KDM6A: variants seen among roughly 807,000 people sequenced by gnomAD.
KDM6A encodes lysine demethylase 6A, also known as lysine-specific demethylase 6A.
KDM6A carries 11 observed loss-of-function variants against 117.6 expected under a neutral mutation model. The ratio of observed to expected loss-of-function variants is 0.09; its 90% CI spans 0.06 to 0.15. The LOEUF is 0.15. Ranked by LOEUF, KDM6A falls within the 10% of genes least tolerant of loss-of-function variation. The pLI is 1.00. For missense variants in KDM6A, 799 were observed against 1,077.3 expected (o/e 0.74, Z 3.62); for synonymous variants, 384 against 396.1 (o/e 0.97, Z 0.36).
intron 6 of KDM6A, among the ~76,000 whole-genome samples, chrX:45,024,365 G>A (rs1305592195): frequency 2.7e-5 from 3 of 111,930 alleles, no homozygotes; most frequent in Admixed American, 9.5e-5. Flanking sequence ...TTGTGGATTT[G>A]ATTTGCATTT....
At chrX:44,912,308 C>T (rs1333411927) in intron 2 of KDM6A, among the ~76,000 whole-genome samples, 1 of 110,418 alleles carries the variant, frequency 9.1e-6, no homozygotes, top group African/African-American at 3.3e-5. Context: ...AGGCTGGTCT[C>T]GAACTCTCGA....
chrX:44,993,874 A>C (rs1396937712), intron 4 of KDM6A, among the ~76,000 whole-genome samples: 4 of 111,681 alleles, frequency 3.6e-5, no homozygotes, highest in Non-Finnish European at 7.5e-5. Flanking sequence ...CAAGAAAAAA[A>C]AGCTCTCGTC....
At chrX:45,092,371 C>T (rs1264722714) in intron 27 of KDM6A, among the ~76,000 whole-genome samples, 1 of 111,524 alleles carries the variant, frequency 9.0e-6, no homozygotes, top group Admixed American at 9.5e-5. Context: ...TAATCAGCTC[C>T]TACTTAATAT....
chrX:45,054,173 T>C (rs746285079), intron 10 of KDM6A, among the ~76,000 whole-genome samples: 32 of 112,025 alleles, frequency 2.9e-4, no homozygotes, highest in African/African-American at 1.0e-3. Flanking sequence ...ACGTTTCTTA[T>C]TTTGGTTATT....
chrX:45,101,267 T>C, intron 27 of KDM6A, among the ~76,000 whole-genome samples: 1 of 111,799 alleles, frequency 8.9e-6, no homozygotes, highest in Non-Finnish European at 1.9e-5. Flanking sequence ...TTAGTCTTTA[T>C]TTCCTCTTCT....
rs376535653 is a variant in KDM6A, at chrX:44,898,129, C to T, written c.225+24142C>T. The stretch of plus-strand genomic sequence containing the variant: ...TAGGGGTATAAGATGAACTTTCTGA[C>T]GGGCCATGCTGCCTCAGCAAGAGAG... On this transcript the variant is annotated intron_variant, in intron 2 of 29. Coordinates refer to ENST00000611820, the MANE Select transcript of KDM6A (RefSeq NM_001291415.2). Among the ~76,000 whole-genome samples, 23 of 111,511 alleles carry T rather than the reference C, an allele frequency of 2.1e-4. No individual in the cohort carries two copies. The East Asian group carries it at 4.0e-3, about 19-fold the overall frequency.
chrX:45,082,693 A>G, intron 22 of KDM6A, 22 bp from the exon 23 acceptor site: 1 of 1,189,990 alleles, frequency 8.4e-7, no homozygotes, highest in Non-Finnish European at 1.1e-6. Flanking sequence ...GCATGTTTCT[A>G]ATACTGTGTC....
At chrX:44,913,760 G>A (rs756885015) in intron 2 of KDM6A, among the ~76,000 whole-genome samples, 9 of 108,559 alleles carry the variant, frequency 8.3e-5, no homozygotes, top group Admixed American at 2.9e-4. Flanking sequence ...ATATATATAT[G>A]TATACGCACA....
chrX:44,883,238 T>C (rs930264976), intron 2 of KDM6A, among the ~76,000 whole-genome samples: 19 of 109,229 alleles, frequency 1.7e-4, no homozygotes, highest in Non-Finnish European at 3.4e-4. Context: ...CTGGCTACTT[T>C]TTTGTATTTT....
intron 28 of KDM6A, among the ~76,000 whole-genome samples, chrX:45,108,213 C>T (rs749669467): frequency 1.8e-5 from 2 of 111,014 alleles, no homozygotes; most frequent in Admixed American, 9.6e-5. Flanking sequence ...TGATGAGAAT[C>T]GGAGGTAGAC....
rs771652463 is a variant in KDM6A at position 45,083,424 on chromosome X, G to T, written c.3441-36G>T. On this transcript the variant is annotated intron_variant, in intron 23 of 29. Transcript: ENST00000611820. ...TGGTAAACTTCCACAGGTATTTGTA[G>T]CAGAGTTTCACTTTTGATGTGTTAT... The T allele has an allele frequency of 2.5e-6, 3 of 1,188,586 alleles. No homozygotes were observed. The South Asian group carries it at 5.3e-5, about 21-fold the overall frequency.
At chrX:44,906,626 GTA>G (rs891686271) in intron 2 of KDM6A, among the ~76,000 whole-genome samples, 3 of 109,855 alleles carry the variant, frequency 2.7e-5, no homozygotes, top group Admixed American at 9.7e-5. Context: ...TATTGTGTGT[GTA>G]TATATATATG....
At chrX:44,974,537 T>A in intron 3 of KDM6A, 129 bp from the exon 4 acceptor site, 5 of 503,021 alleles carry the variant, frequency 9.9e-6, no homozygotes, top group Non-Finnish European at 1.0e-5. Context: ...GAATTTTAAG[T>A]TGTTTGGTCT....
chrX:44,987,192 G>A (rs962692141), intron 4 of KDM6A, among the ~76,000 whole-genome samples: 1 of 111,334 alleles, frequency 9.0e-6, no homozygotes, highest in Non-Finnish European at 1.9e-5. Flanking sequence ...GATCTTTGTT[G>A]GTTTAAAGTC....
In KDM6A at chrX:45,076,691, T is replaced by C. The variant is rs2045136430; in HGVS notation, c.2859-6T>C. ...CAACTGATTATCCCTTTTTTTTTTTTTCCAGGAATCTAGGTAAAAATGGCT... is the reference window on the plus strand; with the variant it reads ...CAACTGATTATCCCTTTTTTTTTTTCTCCAGGAATCTAGGTAAAAATGGCT... On this transcript the variant is annotated splice_polypyrimidine_tract_variant and splice_region_variant and intron_variant, in intron 18 of 29. Coordinates refer to ENST00000611820, the MANE Select transcript of KDM6A (RefSeq NM_001291415.2). 2 of 1,110,349 alleles carry C rather than the reference T, an allele frequency of 1.8e-6. No homozygotes were observed. The highest frequency in any genetic ancestry group is 1.9e-5 in the South Asian group (1 of 52,497). The allele number at this position is 1,110,349 out of a possible 1,213,427, so 91.5% of individuals were successfully genotyped here.
intron 3 of KDM6A, among the ~76,000 whole-genome samples, chrX:44,963,475 G>GTC (rs772898385): frequency 0.082 from 2,029 of 24,737 alleles, 30 homozygotes; most frequent in Admixed American, 0.16. Flanking sequence ...GTGTGTGTGT[G>GTC]TGTGTGTGTG....
At chrX:44,959,039 A>C (rs1472052174) in intron 2 of KDM6A, among the ~76,000 whole-genome samples, 1 of 111,206 alleles carries the variant, frequency 9.0e-6, no homozygotes, top group African/African-American at 3.3e-5. Context: ...TATTAGAATT[A>C]CCTGAGATAC....
chrX:45,029,328 G>C (rs186904526), intron 6 of KDM6A, among the ~76,000 whole-genome samples: 2 of 110,886 alleles, frequency 1.8e-5, no homozygotes, highest in Non-Finnish European at 3.8e-5. Context: ...CCAGCTACTC[G>C]GGAGGCTGAG....
rs181423455 is a variant in KDM6A at position 44,923,379 on chromosome X, T to C, written c.226-37905T>C. 3.7e-5 allele frequency among the ~76,000 whole-genome samples: 4 copies of C among 109,105 alleles called. No individual in the cohort carries two copies. In the Admixed American group the frequency reaches 4.0e-4, roughly 11 times the overall value. 94.7% of individuals were successfully genotyped at this position (109,105 alleles called of 115,157 possible). ...CACTCCTACCCCCATTCTAATTATA[T>C]GTTTATCAGGATATCTGAAATTATT... is the stretch of plus-strand genomic sequence containing the variant. On this transcript the variant is annotated intron_variant, in intron 2 of 29. Transcript: ENST00000611820.
Sources: gnomAD v4.1 joint callset for allele counts (sites outside exome capture counted in the v4.1 genomes callset) on GRCh38, gnomAD v4.1.1 for gene constraint, MANE v1.5 for transcripts, NCBI Gene and HGNC (gene_info 2026-07-23, HGNC 2026-07-21) for gene names.